The following ABCA6 variants were observed in gnomAD, a reference collection of about 807,000 sequenced individuals.
The protein encoded by ABCA6 is ATP binding cassette subfamily A member 6.
A neutral mutation model predicts 191.2 loss-of-function variants in ABCA6; 164 were observed. The observed-to-expected ratio is 0.86, with a 90% CI of 0.76 to 0.98. ABCA6 has a LOEUF of 0.98. Among genes scored for constraint, ABCA6 ranks in the 50% least tolerant of loss-of-function variants. The pLI is 0.00. For missense variants in ABCA6, 1,958 were observed against 1,894.1 expected (o/e 1.03, Z -0.63); for synonymous variants, 636 against 647.7 (o/e 0.98, Z 0.27).
rs544160710 is a variant in ABCA6 at position 69,112,642 on chromosome 17, G to A, written c.2042-369C>T. The A allele has an allele frequency of 3.4e-4, 63 of 183,480 alleles. 1 individual carries two copies. The South Asian group carries it at 7.7e-3, about 22-fold the overall frequency. 11.4% of individuals were successfully genotyped at this position (183,480 alleles called of 1,614,324 possible). On this transcript the variant is annotated intron_variant, in intron 15 of 38. Coordinates refer to ENST00000284425, the MANE Select transcript of ABCA6 (RefSeq NM_080284.3). ...CATACAGTGTGGAGTAATAGACACTGAAGACTCGGAAGGGTGAGAGAGTCA... is the reference window on the plus strand; with the variant it reads ...CATACAGTGTGGAGTAATAGACACTAAAGACTCGGAAGGGTGAGAGAGTCA...
chr17:69,111,416 T>C (rs1955777768), intron 16 of ABCA6: 2 of 152,772 alleles, frequency 1.3e-5, no homozygotes, highest in Admixed American at 1.3e-4. Flanking sequence ...TCATCTTGAA[T>C]TGTAGTTCCC....
intron 21 of ABCA6, among the ~76,000 whole-genome samples, chr17:69,102,306 G>C (rs541258283): frequency 2.9e-4 from 44 of 152,234 alleles, no homozygotes; most frequent in African/African-American, 1.1e-3. Flanking sequence ...TACTGCCACT[G>C]AGCTCCAGCC....
At chr17:69,080,553 A>G (rs2072606416) in intron 37 of ABCA6, among the ~76,000 whole-genome samples, 1 of 152,186 alleles carries the variant, frequency 6.6e-6, no homozygotes, top group African/African-American at 2.4e-5. Context: ...GGTCAAAGCT[A>G]TCATTCAAAT....
chr17:69,121,099 GA>G (rs1419383951), intron 10 of ABCA6, among the ~76,000 whole-genome samples: 11 of 151,892 alleles, frequency 7.2e-5, no homozygotes, highest in Non-Finnish European at 1.3e-4. Context: ...CACATAGGAA[GA>G]AAAAAATCAA....
In ABCA6 at chr17:69,134,639, T is replaced by C; in HGVS notation, c.564A>G (p.Glu188=). 6.2e-7 allele frequency: 1 copy of C among 1,605,720 alleles called. No homozygotes were observed. The highest frequency in any genetic ancestry group is 1.1e-5 in the South Asian group (1 of 89,750). The change falls in exon 5 of 39, where the codon GAA becomes GAG. Residue 188 remains glutamate, a splice_region_variant and synonymous_variant. Coordinates refer to ENST00000284425, the MANE Select transcript of ABCA6 (RefSeq NM_080284.3). ...TAGAACTTTTCAATCAAGCACTTAC[T>C]TCTATAATGGCAGTATTAATAGCTG... ...LQTAINTAII[E]ITTNHPVMEE... is the part of the protein sequence containing the mutation.
intron 16 of ABCA6, chr17:69,111,293 A>G (rs1351690905): frequency 6.3e-6 from 1 of 158,192 alleles, no homozygotes; most frequent in African/African-American, 2.4e-5. Context: ...ATCATTAGCT[A>G]GTAGAGAAAA....
chr17:69,106,777 A>G (rs1186387152), intron 18 of ABCA6, among the ~76,000 whole-genome samples: 1 of 152,162 alleles, frequency 6.6e-6, no homozygotes, highest in Non-Finnish European at 1.5e-5. Flanking sequence ...TAAATAAAAC[A>G]AAGTTTTAGA....
At chr17:69,138,916 C>T (rs1210042019) in intron 2 of ABCA6, among the ~76,000 whole-genome samples, 1 of 151,936 alleles carries the variant, frequency 6.6e-6, no homozygotes, top group Non-Finnish European at 1.5e-5. Context: ...AAACTGGATC[C>T]CTTCCTTACA....
intron 6 of ABCA6, among the ~76,000 whole-genome samples, chr17:69,130,329 A>T (rs1184051724): frequency 6.6e-6 from 1 of 151,446 alleles, no homozygotes; most frequent in East Asian, 1.9e-4. Context: ...AAAAAAAAAA[A>T]GGATGCCAAA....
chr17:69,085,416 T>G (rs537984839), intron 31 of ABCA6, among the ~76,000 whole-genome samples: 1 of 150,508 alleles, frequency 6.6e-6, no homozygotes, highest in Non-Finnish European at 1.5e-5. Flanking sequence ...GAGAAACTGA[T>G]GAGTAAAAGG....
At chr17:69,110,636 A>G (rs2144667843) in intron 17 of ABCA6, 165 bp downstream of exon 17, 1 of 733,956 alleles carries the variant, frequency 1.4e-6, no homozygotes, top group East Asian at 3.0e-5. Flanking sequence ...CCACGAAGCA[A>G]CTACCCAATA....
At chr17:69,081,365 G>A (rs368366528) in intron 36 of ABCA6, among the ~76,000 whole-genome samples, 1 of 152,184 alleles carries the variant, frequency 6.6e-6, no homozygotes, top group East Asian at 1.9e-4. Context: ...AATTATATAT[G>A]TGCTCAGCTT....
rs755609817 is a variant in ABCA6, at chr17:69,128,703, A to T, written c.1035T>A (p.Thr345=). The change falls in exon 8 of 39, where the codon ACT becomes ACA. Residue 345 remains threonine (T), a synonymous_variant. Coordinates refer to ENST00000284425, the MANE Select transcript of ABCA6 (RefSeq NM_080284.3). ...ATGAAGGAAGTTGTTCATAAAATAC[A>T]GTGAATCCCAGACATCCCCAAAAGA... is the stretch of plus-strand genomic sequence containing the variant. ...LTLFWGCLGF[T]VFYEQLPSSL... 2 of 1,613,258 alleles carry T rather than the reference A, an allele frequency of 1.2e-6. No homozygotes were observed. Among genetic ancestry groups the T allele is most frequent in the Non-Finnish European group, 1.7e-6 (2 of 1,179,526 alleles).
intron 25 of ABCA6, among the ~76,000 whole-genome samples, chr17:69,095,863 T>C (rs1174653251): frequency 6.6e-6 from 1 of 152,242 alleles, no homozygotes; most frequent in African/African-American, 2.4e-5. Context: ...ATCTTTAGTA[T>C]CTGAAACTAT....
At position 69,140,700 on chromosome 17, in the gene ABCA6, T is replaced by G; in HGVS notation, c.4A>C (p.Asn2His). The stretch of plus-strand genomic sequence containing the variant: ...TGATACACGCTTTTCTGTTTCATAT[T>G]CATTTAGCCTATTCGCTGAAGGAGA... MNMKQKSVYQQT... is the reference protein window; with the variant it reads MHMKQKSVYQQT... Residue 2 changes from asparagine to histidine, a missense_variant, in exon 2 of 39, where the codon AAT (asparagine) becomes CAT (histidine). By Grantham distance (68) the Asn-to-His change is moderately conservative. Transcript: ENST00000284425. 6.3e-7 allele frequency: 1 copy of G among 1,584,152 alleles called. No individual in the cohort carries two copies. The highest frequency in any genetic ancestry group is 8.6e-7 in the Non-Finnish European group (1 of 1,166,208).
intron 10 of ABCA6, among the ~76,000 whole-genome samples, chr17:69,121,558 A>C (rs1013247574): frequency 1.3e-5 from 2 of 151,938 alleles, no homozygotes; most frequent in Non-Finnish European, 2.9e-5. Flanking sequence ...CCCAGTCAAC[A>C]CTGTATACAT....
Position 69,097,905 on chromosome 17 carries a change from C to G in ABCA6, c.3120+15G>C. ...GAAATTCCTGAAATTTCTTCTTTTCCCTGCTTTTTCTTACCTTGTAATCAC... is the reference window on the plus strand; with the variant it reads ...GAAATTCCTGAAATTTCTTCTTTTCGCTGCTTTTTCTTACCTTGTAATCAC... On this transcript the variant is annotated intron_variant, in intron 23 of 38. Transcript: ENST00000284425. The G allele has an allele frequency of 2.6e-6, 4 of 1,548,774 alleles. No homozygotes were observed. In the South Asian group the frequency reaches 4.8e-5, roughly 19 times the overall value.
At chr17:69,129,475 C>T in intron 7 of ABCA6, 135 bp downstream of exon 7, 1 of 664,052 alleles carries the variant, frequency 1.5e-6, no homozygotes, top group Non-Finnish European at 2.4e-6. Context: ...ATTTCAAGTA[C>T]ACACAAGGAC....
Position 69,102,825 on chromosome 17 carries a change from G to A in ABCA6, c.2874+10C>T, listed in dbSNP as rs753230118. ...TTGTTTTTTTCATAAAAGCAAAAAG[G>A]CAAACATACCTTTTGTTTACCAGAA... On this transcript the variant is annotated intron_variant, in intron 21 of 38. Transcript: ENST00000284425. 6.4e-7 allele frequency: 1 copy of A among 1,565,298 alleles called. No individual in the cohort carries two copies. The highest frequency in any genetic ancestry group is 8.6e-7 in the Non-Finnish European group (1 of 1,164,472).
Sources: gnomAD v4.1 joint callset for allele counts (sites outside exome capture counted in the v4.1 genomes callset) on GRCh38, gnomAD v4.1.1 for gene constraint, MANE v1.5 for transcripts, NCBI Gene and HGNC (gene_info 2026-07-23, HGNC 2026-07-21) for gene names.